SLCO5A1: variants seen among roughly 807,000 people sequenced by gnomAD.
SLCO5A1 encodes the protein solute carrier organic anion transporter family member 5A1, also known as organic anion transporter polypeptide-related protein 4.
Under a neutral mutation model 65.1 loss-of-function variants are expected in SLCO5A1, and 39 were observed. The observed-to-expected ratio is 0.60, with a 90% CI of 0.46 to 0.78. SLCO5A1 has a LOEUF of 0.78. Ranked by LOEUF, SLCO5A1 falls within the 30% of genes least tolerant of loss-of-function variation. The pLI is 0.00. For synonymous variants in SLCO5A1, 438 were observed against 415.7 expected (o/e 1.05, Z -0.65); for missense variants, 1,029 against 1,069.4 (o/e 0.96, Z 0.53).
intron 2 of SLCO5A1, among the ~76,000 whole-genome samples, chr8:69,764,575 A>G (rs1182197945): frequency 6.6e-6 from 1 of 152,212 alleles, no homozygotes; most frequent in African/African-American, 2.4e-5. Context: ...AGTAATTCGT[A>G]CTTTTTCAGA....
chr8:69,711,303 G>A lies in SLCO5A1; in HGVS notation c.1424-6074C>T, dbSNP rs532988973. On this transcript the variant is annotated intron_variant, in intron 5 of 9. Coordinates refer to ENST00000260126, the MANE Select transcript of SLCO5A1 (RefSeq NM_030958.3). ...TCCCAAAGAGTCAGCTCGCCGCTCC[G>A]TTGCGCCTCTCACCACTGCGCACCT... Among the ~76,000 whole-genome samples, 6 of 152,196 alleles carry A rather than the reference G, an allele frequency of 3.9e-5. No homozygotes were observed. In the South Asian group the frequency reaches 1.0e-3, roughly 26 times the overall value.
At chr8:69,676,500 A>G (rs1238254516) in intron 9 of SLCO5A1, 109 bp downstream of exon 9, 1 of 888,668 alleles carries the variant, frequency 1.1e-6, no homozygotes, top group Non-Finnish European at 1.8e-6. Context: ...AGCCTGTAAA[A>G]TCTTATTCAT....
intron 2 of SLCO5A1, among the ~76,000 whole-genome samples, chr8:69,826,139 T>G (rs1820901631): frequency 6.6e-6 from 1 of 152,196 alleles, no homozygotes; most frequent in Admixed American, 6.5e-5. Context: ...TCAAGATGGA[T>G]TAAAGACTTA....
At chr8:69,773,608 C>T (rs1818769778) in intron 2 of SLCO5A1, among the ~76,000 whole-genome samples, 1 of 152,206 alleles carries the variant, frequency 6.6e-6, no homozygotes, top group Non-Finnish European at 1.5e-5. Flanking sequence ...GGGCAGAATT[C>T]AGTGAAAGAA....
intron 6 of SLCO5A1, among the ~76,000 whole-genome samples, chr8:69,684,971 G>T (rs974904502): frequency 1.3e-5 from 2 of 152,192 alleles, no homozygotes; most frequent in Non-Finnish European, 2.9e-5. Context: ...GAGGCAAAAA[G>T]CTTTCCTGAG....
rs1324695067 is a variant in SLCO5A1, at chr8:69,832,570, G to C, written c.104C>G (p.Ser35Cys). The change falls in exon 2 of 10, where the codon TCT becomes TGT. Residue 35 changes from serine to cysteine, a missense_variant. Transcript: ENST00000260126. The surrounding 1 kb of genome is among the most constrained non-coding windows in gnomAD (Gnocchi z 4.5). ...QERCEPETLR[S>C]KSLPVLSSAS... is the part of the protein sequence containing the mutation. ...GCTGCTGAGGACCGGTAAACTCTTA[G>C]ACCTGAGGGTCTCCGGCTCGCACCT... 3 of 1,612,732 alleles carry C rather than the reference G, an allele frequency of 1.9e-6. No individual in the cohort carries two copies. The highest frequency in any genetic ancestry group is 2.5e-6 in the Non-Finnish European group (3 of 1,179,512).
chr8:69,824,680 C>A (rs1820792916), intron 2 of SLCO5A1, among the ~76,000 whole-genome samples: 1 of 152,102 alleles, frequency 6.6e-6, no homozygotes, highest in African/African-American at 2.4e-5. Flanking sequence ...GGATTCACAG[C>A]CAAATTCTAC....
chr8:69,827,847 T>C (rs530734182), intron 2 of SLCO5A1, among the ~76,000 whole-genome samples: 23 of 152,328 alleles, frequency 1.5e-4, no homozygotes, highest in African/African-American at 4.8e-4. Context: ...CTTTAAACGG[T>C]TTAGAGAATA....
chr8:69,740,259 G>A (rs992402982), intron 4 of SLCO5A1, among the ~76,000 whole-genome samples: 1 of 152,188 alleles, frequency 6.6e-6, no homozygotes, highest in African/African-American at 2.4e-5. Context: ...AGTTGGGGTG[G>A]GAGAACAGTA....
At chr8:69,769,353 T>A (rs1818215264) in intron 2 of SLCO5A1, among the ~76,000 whole-genome samples, 1 of 152,216 alleles carries the variant, frequency 6.6e-6, no homozygotes, top group African/African-American at 2.4e-5. Context: ...GCAACATGAA[T>A]CACACTTTTC....
At chr8:69,751,704 G>T (rs931453556) in intron 4 of SLCO5A1, among the ~76,000 whole-genome samples, 1 of 151,846 alleles carries the variant, frequency 6.6e-6, no homozygotes, top group African/African-American at 2.4e-5. Flanking sequence ...TCACCACAAC[G>T]CCCATCTAAT....
At chr8:69,765,093 G>A (rs917480482) in intron 2 of SLCO5A1, among the ~76,000 whole-genome samples, 1 of 152,110 alleles carries the variant, frequency 6.6e-6, no homozygotes, top group Non-Finnish European at 1.5e-5. Flanking sequence ...TAGCAAGCAA[G>A]TCCAGTGGAA....
chr8:69,724,970 T>G (rs1031584650), intron 5 of SLCO5A1, among the ~76,000 whole-genome samples: 1 of 152,200 alleles, frequency 6.6e-6, no homozygotes, highest in Admixed American at 6.5e-5. Context: ...ATCCTGGTTC[T>G]CCTGTCATTT....
chr8:69,781,621 C>T (rs566110869), intron 2 of SLCO5A1, among the ~76,000 whole-genome samples: 31 of 152,074 alleles, frequency 2.0e-4, no homozygotes, highest in South Asian at 1.0e-3. Flanking sequence ...GTAGTAGATA[C>T]TATTATTATC....
chr8:69,693,132 A>G (rs372351822), intron 6 of SLCO5A1, among the ~76,000 whole-genome samples: 2 of 152,350 alleles, frequency 1.3e-5, no homozygotes, highest in African/African-American at 4.8e-5. Flanking sequence ...TTACAGGATG[A>G]CCATTGTATA....
At position 69,672,738 on chromosome 8, in the gene SLCO5A1, T is replaced by C; in HGVS notation, c.*131A>G. Reference sequence around the variant, plus strand: ...CTCAATGAATAGCGGCTGTGTATACTGAGTTTTGTTGGTTTGAGGATTGTG... The same window carrying C: ...CTCAATGAATAGCGGCTGTGTATACCGAGTTTTGTTGGTTTGAGGATTGTG... On this transcript the variant is annotated 3_prime_UTR_variant, in exon 10 of 10. Coordinates refer to ENST00000260126, the MANE Select transcript of SLCO5A1 (RefSeq NM_030958.3). 3 of 993,772 alleles carry C rather than the reference T, an allele frequency of 3.0e-6. No homozygotes were observed. Among genetic ancestry groups the C allele is most frequent in the South Asian group, 1.8e-5 (1 of 57,084 alleles). The allele number at this position is 993,772 out of a possible 1,614,324, so 61.6% of individuals were successfully genotyped here.
At position 69,673,174 on chromosome 8, in the gene SLCO5A1, C is replaced by T. The variant is rs376766213; in HGVS notation, c.2242G>A (p.Val748Ile). The T allele has an allele frequency of 2.5e-6, 4 of 1,614,174 alleles. No homozygotes were observed. Among genetic ancestry groups the T allele is most frequent in the Non-Finnish European group, 3.4e-6 (4 of 1,180,026 alleles). The change falls in exon 10 of 10, where the codon GTT becomes ATT. Residue 748 changes from valine (V) to isoleucine (I), a missense_variant. Transcript: ENST00000260126. ...GCCAGAAAAATAAAAATAAACCCAA[C>T]GAATTTGAGGCCGGCAGCCAAACCA... Reference protein sequence around the residue: ...YFGLAAGLKFVGFIFIFLAWY... With the variant: ...YFGLAAGLKFIGFIFIFLAWY...
At chr8:69,822,362 A>G (rs568521384) in intron 2 of SLCO5A1, among the ~76,000 whole-genome samples, 21 of 152,316 alleles carry the variant, frequency 1.4e-4, no homozygotes, top group Non-Finnish European at 2.9e-4. Flanking sequence ...TTAAAGAAAG[A>G]TGATCATCAA....
intron 2 of SLCO5A1, among the ~76,000 whole-genome samples, chr8:69,816,881 A>G (rs566626333): frequency 1.1e-4 from 17 of 152,328 alleles, no homozygotes; most frequent in African/African-American, 3.4e-4. Flanking sequence ...GGGAGAAGTG[A>G]CTTTACCATT....
Sources: allele counts gnomAD v4.1 joint callset (sites outside exome capture counted in the v4.1 genomes callset), GRCh38; gene constraint gnomAD v4.1.1; non-coding constraint Gnocchi (gnomAD v3.1); transcripts MANE v1.5; gene names NCBI Gene and HGNC (gene_info 2026-07-23, HGNC 2026-07-21).